Variants in CUX1 observed in about 807,000 individuals in gnomAD.
The protein encoded by CUX1 is protein CASP.
A neutral mutation model predicts 158.8 loss-of-function variants in CUX1; 31 were observed. The observed-to-expected ratio is 0.20, with a 90% CI of 0.15 to 0.26. The LOEUF (loss-of-function observed/expected upper bound fraction) is 0.26. CUX1 is among the 10% of genes least tolerant of loss of function. The probability of loss-of-function intolerance (pLI) is 1.00; values close to 1 mark genes in which losing one functional copy is unlikely to be tolerated. For synonymous variants in CUX1, 879 were observed against 862.1 expected (o/e 1.02, Z -0.34); for missense variants, 1,589 against 2,014.6 (o/e 0.79, Z 4.04).
intron 2 of CUX1, among the ~76,000 whole-genome samples, chr7:101,980,376 G>A (rs1813278452): frequency 1.3e-5 from 2 of 152,168 alleles, no homozygotes; most frequent in Admixed American, 6.5e-5. Context: ...TGAGCATGGT[G>A]GCATGCACCT....
intron 1 of CUX1, among the ~76,000 whole-genome samples, chr7:101,828,398 A>G (rs1165130800): frequency 1.3e-5 from 2 of 152,208 alleles, no homozygotes; most frequent in African/African-American, 4.8e-5. Flanking sequence ...GAACACAAAA[A>G]GATCCACATT....
chr7:102,015,779 G>A (rs921147004), intron 2 of CUX1, among the ~76,000 whole-genome samples: 24 of 152,248 alleles, frequency 1.6e-4, no homozygotes, highest in African/African-American at 5.8e-4. Context: ...CCCCAAAGGA[G>A]CCTTCTCTCC....
At chr7:102,127,643 A>G (rs1832790446) in intron 8 of CUX1, among the ~76,000 whole-genome samples, 1 of 151,780 alleles carries the variant, frequency 6.6e-6, no homozygotes, top group African/African-American at 2.4e-5. Flanking sequence ...CTTCAGAAAC[A>G]CAGTGCATAC....
chr7:101,819,557 C>A (rs1220976780), intron 1 of CUX1, among the ~76,000 whole-genome samples: 1 of 152,162 alleles, frequency 6.6e-6, no homozygotes, highest in African/African-American at 2.4e-5. Flanking sequence ...GTGTATGTTA[C>A]TGGCTGTCCA....
At chr7:102,010,109 G>T (rs753408786) in intron 2 of CUX1, among the ~76,000 whole-genome samples, 1 of 152,032 alleles carries the variant, frequency 6.6e-6, no homozygotes, top group Admixed American at 6.6e-5. Flanking sequence ...AACAGCAAGG[G>T]TGCAGCTGGG....
In CUX1 at chr7:101,876,189, T is replaced by G. The variant is rs757872477; in HGVS notation, c.31-39926T>G. Among the ~76,000 whole-genome samples, 6 of 150,712 alleles carry G rather than the reference T, an allele frequency of 4.0e-5. 1 individual carries two copies. Among genetic ancestry groups the G allele is most frequent in the South Asian group, 4.2e-4 (2 of 4,774 alleles). ...GGCGAAACCCCATCTCTACTAAAAA[T>G]AAAAAATTAACCAGGTGTGGTGGCA... On this transcript the variant is annotated intron_variant, in intron 1 of 23. Coordinates refer to ENST00000292535, the MANE Select transcript of CUX1 (RefSeq NM_181552.4).
intron 1 of CUX1, among the ~76,000 whole-genome samples, chr7:101,859,919 C>T (rs1465467545): frequency 6.7e-6 from 1 of 148,336 alleles, no homozygotes; most frequent in Non-Finnish European, 1.5e-5. Context: ...TCCTTCTTTC[C>T]TTTGTCTTTC....
intron 3 of CUX1, among the ~76,000 whole-genome samples, chr7:102,034,480 C>A (rs1328154898): frequency 6.6e-6 from 1 of 152,026 alleles, no homozygotes; most frequent in South Asian, 2.1e-4. Flanking sequence ...ACAGGCCGGG[C>A]ACTGTGGCTC....
At chr7:101,830,482 CAG>C (rs1310588037) in intron 1 of CUX1, among the ~76,000 whole-genome samples, 1 of 152,144 alleles carries the variant, frequency 6.6e-6, no homozygotes, top group African/African-American at 2.4e-5. Flanking sequence ...TGTTTTGAGA[CAG>C]GGTCTTGATC....
chr7:102,216,528 TCCCC>T (rs781825609), intron 20 of CUX1, among the ~76,000 whole-genome samples: 1 of 78,674 alleles, frequency 1.3e-5, no homozygotes, highest in African/African-American at 4.9e-5. Flanking sequence ...ACACACACTC[TCCCC>T]CCCACACACA....
intron 4 of CUX1, among the ~76,000 whole-genome samples, chr7:102,092,494 G>A (rs1034758187): frequency 3.3e-5 from 5 of 152,168 alleles, no homozygotes; most frequent in East Asian, 1.9e-4. Context: ...CAGCGCAAAC[G>A]CTCCTCACTC....
Position 102,073,165 on chromosome 7 carries a change from C to CTT in CUX1, c.268+2771_268+2772dup, listed in dbSNP as rs869202667. 1.1e-3 allele frequency among the ~76,000 whole-genome samples: 73 copies of CTT among 66,874 alleles called. 11 individuals carry two copies. The highest frequency in any genetic ancestry group is 3.3e-3 in the African/African-American group (51 of 15,588). 43.9% of individuals were successfully genotyped at this position (66,874 alleles called of 152,430 possible). On this transcript the variant is annotated intron_variant, in intron 4 of 23. Transcript: ENST00000292535. The stretch of plus-strand genomic sequence containing the variant: ...AAATAATATGTAATCTCTTTTCTTT[C>CTT]TTTTTTTTTTTTTTTTTTTTTTTTC...
In CUX1 at chr7:102,097,423, G is replaced by A. The variant is rs782612569; in HGVS notation, c.328G>A (p.Asp110Asn). The change falls in exon 5 of 24, where the codon GAT becomes AAT. Residue 110 changes from aspartate to asparagine, a missense_variant. Coordinates refer to ENST00000292535, the MANE Select transcript of CUX1 (RefSeq NM_181552.4). Reference protein sequence around the residue: ...QLQLKVQRLHDIETENQKLRE... With the variant: ...QLQLKVQRLHNIETENQKLRE... ...CCAGCTCAAAGTGCAGCGCCTGCAC[G>A]ATATTGAAACAGAGAACCAGAAACT... 6.2e-6 allele frequency: 10 copies of A among 1,613,644 alleles called. No individual in the cohort carries two copies. The highest frequency in any genetic ancestry group is 4.5e-5 in the East Asian group (2 of 44,888).
intron 1 of CUX1, among the ~76,000 whole-genome samples, chr7:101,885,617 G>A (rs1283771025): frequency 2.0e-5 from 3 of 152,298 alleles, no homozygotes; most frequent in Non-Finnish European, 4.4e-5. Flanking sequence ...GGCCCAGGCC[G>A]CAGGGTCCCC....
At chr7:101,884,906 T>A (rs1046934322) in intron 1 of CUX1, among the ~76,000 whole-genome samples, 2 of 152,142 alleles carry the variant, frequency 1.3e-5, no homozygotes, top group Non-Finnish European at 2.9e-5. Flanking sequence ...GTTTTGGTGA[T>A]GCTGTCACAG....
At chr7:102,007,354 T>C (rs76467224) in intron 2 of CUX1, among the ~76,000 whole-genome samples, 6,182 of 152,128 alleles carry the variant, frequency 0.041, 436 homozygotes, top group African/African-American at 0.14. Flanking sequence ...CTTATAGTTT[T>C]TAGTTGTTGC....
At position 101,897,312 on chromosome 7, in the gene CUX1, C is replaced by T. The variant is rs534540862; in HGVS notation, c.31-18803C>T. ...GTTAATACAGCAAGTGAAGCCTGGG[C>T]AACATATCGAGGCCTCATTTCTACA... On this transcript the variant is annotated intron_variant, in intron 1 of 23. Coordinates refer to ENST00000292535, the MANE Select transcript of CUX1 (RefSeq NM_181552.4). Among the ~76,000 whole-genome samples, 4 of 152,194 alleles carry T rather than the reference C, an allele frequency of 2.6e-5. No homozygotes were observed. In the South Asian group the frequency reaches 8.3e-4, roughly 32 times the overall value.
At chr7:101,944,876 CG>C (rs944824688) in intron 2 of CUX1, among the ~76,000 whole-genome samples, 3 of 152,146 alleles carry the variant, frequency 2.0e-5, no homozygotes, top group African/African-American at 7.2e-5. Flanking sequence ...TCACTGCTGC[CG>C]GGTTGACCCC....
At chr7:102,000,282 TGA>T (rs1297627089) in intron 2 of CUX1, among the ~76,000 whole-genome samples, 1 of 151,786 alleles carries the variant, frequency 6.6e-6, no homozygotes, top group Non-Finnish European at 1.5e-5. Flanking sequence ...TGCCCTGCAT[TGA>T]GACACATGTG....
Sources: gnomAD v4.1 joint callset for allele counts (sites outside exome capture counted in the v4.1 genomes callset) on GRCh38, gnomAD v4.1.1 for gene constraint, MANE v1.5 for transcripts, NCBI Gene and HGNC (gene_info 2026-07-23, HGNC 2026-07-21) for gene names.